KLRG1: variants seen among roughly 807,000 people sequenced by gnomAD.
The protein encoded by KLRG1 is killer cell lectin like receptor G1, also known as killer cell lectin-like receptor subfamily G member 1.
A neutral mutation model predicts 21.8 loss-of-function variants in KLRG1; 16 were observed. The observed-to-expected ratio is 0.73, with a 90% CI of 0.50 to 1.11. The LOEUF is 1.11. Ranked by LOEUF, KLRG1 falls within the 50% of genes most tolerant of loss-of-function variation. The pLI, the probability that KLRG1 is intolerant of heterozygous loss-of-function variation, is 0.00. For synonymous variants in KLRG1, 69 were observed against 75.9 expected (o/e 0.91, Z 0.47); for missense variants, 173 against 218.3 (o/e 0.79, Z 1.31).
the KLRG1 span, among the ~76,000 whole-genome samples, chr12:9,198,285 G>T: frequency 6.6e-6 from 1 of 152,014 alleles, no homozygotes; most frequent in African/African-American, 2.4e-5. Context: ...CCAGGAGTTT[G>T]AGGCTACAGT....
At chr12:8,955,098 G>T (rs1220433278) in intron 1 of KLRG1, among the ~76,000 whole-genome samples, 1 of 151,968 alleles carries the variant, frequency 6.6e-6, no homozygotes, top group Non-Finnish European at 1.5e-5. Flanking sequence ...TATATTTTTA[G>T]TAGAGATGGG....
At chr12:9,149,460 T>C in the KLRG1 span, 1 of 1,205,272 alleles carries the variant, frequency 8.3e-7, no homozygotes, top group Non-Finnish European at 1.2e-6. Flanking sequence ...ATGTGGATTG[T>C]CTCAGATGTA....
At chr12:9,093,539 A>G in the KLRG1 span, 1 of 1,612,942 alleles carries the variant, frequency 6.2e-7, no homozygotes, top group Non-Finnish European at 8.5e-7. Context: ...GCTCTTCAAC[A>G]TGCACCAGGC....
chr12:9,146,029 T>A, the KLRG1 span, among the ~76,000 whole-genome samples: 1 of 152,170 alleles, frequency 6.6e-6, no homozygotes, highest in Non-Finnish European at 1.5e-5. Flanking sequence ...TGGGTTCATC[T>A]TACTTAGTTA....
the KLRG1 span, among the ~76,000 whole-genome samples, chr12:9,039,804 A>G: frequency 6.6e-6 from 1 of 152,236 alleles, no homozygotes; most frequent in Non-Finnish European, 1.5e-5. Context: ...TCTTTTGATA[A>G]TACTCAGACA....
At chr12:9,135,328 G>A in the KLRG1 span, 1 of 300,434 alleles carries the variant, frequency 3.3e-6, no homozygotes, top group Non-Finnish European at 6.7e-6. Flanking sequence ...GGATTGGACC[G>A]AGCAGTCAGG....
chr12:9,000,277 A>G (rs1947266757), intron 3 of KLRG1, among the ~76,000 whole-genome samples: 1 of 152,198 alleles, frequency 6.6e-6, no homozygotes, highest in African/African-American at 2.4e-5. Context: ...AGGTCTTCAC[A>G]GTCTGGTAAT....
At chr12:9,023,589 G>C in the KLRG1 span, among the ~76,000 whole-genome samples, 1 of 150,638 alleles carries the variant, frequency 6.6e-6, no homozygotes, top group Non-Finnish European at 1.5e-5. Flanking sequence ...AGATGGTCTT[G>C]CTCTATCACC....
chr12:8,959,329 T>C (rs1946345806), intron 1 of KLRG1, among the ~76,000 whole-genome samples: 1 of 152,166 alleles, frequency 6.6e-6, no homozygotes, highest in African/African-American at 2.4e-5. Context: ...AGAACTGGTC[T>C]TTGAGACATT....
the KLRG1 span, among the ~76,000 whole-genome samples, chr12:9,059,996 CTTT>C: frequency 2.8e-4 from 21 of 75,568 alleles, no homozygotes; most frequent in Non-Finnish European, 3.8e-4. Flanking sequence ...GCCCTGGCAT[CTTT>C]TTTTTTTTTT....
chr12:9,050,957 G>A, the KLRG1 span, among the ~76,000 whole-genome samples: 1 of 152,324 alleles, frequency 6.6e-6, no homozygotes, highest in East Asian at 1.9e-4. Flanking sequence ...GTGGCAGGAG[G>A]CAGAGTCCTG....
At chr12:9,163,609 A>C in the KLRG1 span, 1 of 1,583,692 alleles carries the variant, frequency 6.3e-7, no homozygotes, top group Non-Finnish European at 8.6e-7. Flanking sequence ...TGTTGTCTCA[A>C]GAGTGACCGC....
At chr12:9,106,661 C>T in the KLRG1 span, 1 of 885,540 alleles carries the variant, frequency 1.1e-6, no homozygotes, top group Non-Finnish European at 1.8e-6. Flanking sequence ...CTAAATAGAT[C>T]AGTGGTCAGA....
intron 1 of KLRG1, 97 bp downstream of exon 1, chr12:8,989,814 A>AATTGAG: frequency 1.4e-6 from 1 of 701,028 alleles, no homozygotes; most frequent in Non-Finnish European, 2.5e-6. Flanking sequence ...GGTGCAGAAG[A>AATTGAG]ATTGAGGATA....
the KLRG1 span, among the ~76,000 whole-genome samples, chr12:9,177,035 C>CAG: frequency 6.6e-6 from 1 of 152,290 alleles, no homozygotes; most frequent in South Asian, 2.1e-4. Context: ...TGCTGGGGAT[C>CAG]AGAGGTCAGG....
the KLRG1 span, chr12:9,158,654 C>T: frequency 7.0e-7 from 1 of 1,437,302 alleles, no homozygotes. Context: ...CACAGGCTCC[C>T]CCATCACAGT....
In KLRG1 at chr12:9,006,085, G is replaced by A. The variant is rs139227854; in HGVS notation, c.358-2890G>A. Among the ~76,000 whole-genome samples, 239 of 152,308 alleles carry A rather than the reference G, an allele frequency of 1.6e-3. 3 individuals carry two copies. The highest frequency in any genetic ancestry group is 0.013 in the East Asian group (67 of 5,188). On this transcript the variant is annotated intron_variant, in intron 3 of 4. Coordinates refer to ENST00000356986, the MANE Select transcript of KLRG1 (RefSeq NM_005810.4). Reference sequence around the variant, plus strand: ...ATATTTTCAAATAGCTAGAAGAGAGGATTTTGAATGTTCCCAACACAAAGA... The same window carrying A: ...ATATTTTCAAATAGCTAGAAGAGAGAATTTTGAATGTTCCCAACACAAAGA...
the KLRG1 span, among the ~76,000 whole-genome samples, chr12:9,186,495 G>A: frequency 1.2e-4 from 19 of 152,238 alleles, no homozygotes; most frequent in South Asian, 4.2e-4. Flanking sequence ...GTGGTATGCC[G>A]TCTTTAAGAG....
chr12:9,129,454 A>C, the KLRG1 span, among the ~76,000 whole-genome samples: 1 of 152,118 alleles, frequency 6.6e-6, no homozygotes, highest in Non-Finnish European at 1.5e-5. Flanking sequence ...ATAAGTATGA[A>C]GAAAATATAA....
Sources: gnomAD v4.1 joint callset for allele counts (sites outside exome capture counted in the v4.1 genomes callset) on GRCh38, gnomAD v4.1.1 for gene constraint, MANE v1.5 for transcripts, NCBI Gene and HGNC (gene_info 2026-07-23, HGNC 2026-07-21) for gene names.